DNER: variants seen among roughly 807,000 people sequenced by gnomAD.
DNER encodes the protein delta and Notch-like epidermal growth factor-related receptor.
Under a neutral mutation model 78.2 loss-of-function variants are expected in DNER, and 33 were observed. The ratio of observed to expected loss-of-function variants is 0.42; its 90% confidence interval spans 0.32 to 0.56. The LOEUF is 0.56. Ranked by LOEUF, DNER falls within the 20% of genes least tolerant of loss-of-function variation. The pLI is 0.11. For missense variants in DNER, 918 were observed against 975.3 expected (o/e 0.94, Z 0.78); for synonymous variants, 417 against 384.8 (o/e 1.08, Z -0.98).
intron 6 of DNER, among the ~76,000 whole-genome samples, chr2:229,478,030 T>C (rs1443353022): frequency 1.3e-5 from 2 of 152,100 alleles, no homozygotes; most frequent in South Asian, 4.1e-4. Context: ...GAGAGAAAAG[T>C]TTAAAAAATA....
intron 5 of DNER, among the ~76,000 whole-genome samples, chr2:229,542,375 A>G (rs1006068420): frequency 3.3e-5 from 5 of 152,322 alleles, no homozygotes; most frequent in African/African-American, 1.2e-4. Context: ...AATATCAAGA[A>G]CAGCAAGCTT....
intron 10 of DNER, among the ~76,000 whole-genome samples, chr2:229,405,003 T>C (rs1167560502): frequency 1.3e-5 from 2 of 151,926 alleles, no homozygotes; most frequent in Non-Finnish European, 2.9e-5. Context: ...AGTGGAAAAA[T>C]ATGTGTAACC....
chr2:229,375,048 A>G (rs1005103462), intron 11 of DNER, among the ~76,000 whole-genome samples: 1 of 152,184 alleles, frequency 6.6e-6, no homozygotes, highest in Non-Finnish European at 1.5e-5. Context: ...AAAAGTCAAG[A>G]TCGAATCACA....
intron 6 of DNER, among the ~76,000 whole-genome samples, chr2:229,493,988 G>A (rs555836049): frequency 2.6e-5 from 4 of 152,250 alleles, no homozygotes; most frequent in South Asian, 2.1e-4. Context: ...TGACTCTGGC[G>A]CTTCGGGTTC....
chr2:229,581,174 A>AC (rs963844079), intron 4 of DNER, among the ~76,000 whole-genome samples: 5 of 152,178 alleles, frequency 3.3e-5, no homozygotes, highest in Non-Finnish European at 5.9e-5. Context: ...CAGAAGCCAC[A>AC]CCCCAGAGAT....
chr2:229,655,581 G>C (rs1328129473), intron 1 of DNER, among the ~76,000 whole-genome samples: 1 of 152,118 alleles, frequency 6.6e-6, no homozygotes, highest in Non-Finnish European at 1.5e-5. Flanking sequence ...AAAGAACTTG[G>C]TTGAATTTGG....
chr2:229,656,510 C>A (rs1698914355), intron 1 of DNER, among the ~76,000 whole-genome samples: 1 of 152,108 alleles, frequency 6.6e-6, no homozygotes, highest in African/African-American at 2.4e-5. Context: ...CTCAGCCAAC[C>A]ACAATGTGAG....
chr2:229,494,817 T>A (rs1179885042), intron 6 of DNER, among the ~76,000 whole-genome samples: 2 of 152,174 alleles, frequency 1.3e-5, no homozygotes, highest in African/African-American at 2.4e-5. Context: ...TATATTCCAC[T>A]CCTATAGATT....
chr2:229,457,620 C>G (rs767572574), intron 7 of DNER, among the ~76,000 whole-genome samples: 1 of 151,510 alleles, frequency 6.6e-6, no homozygotes, highest in African/African-American at 2.4e-5. Context: ...CCCCCACCAC[C>G]AAAGAGGGCA....
intron 11 of DNER, among the ~76,000 whole-genome samples, chr2:229,379,979 AT>A (rs1374585029): frequency 6.6e-6 from 1 of 152,224 alleles, no homozygotes; most frequent in Non-Finnish European, 1.5e-5. Context: ...TATGAGAGCA[AT>A]TGAGAATGCT....
At chr2:229,418,972 A>G (rs1693707922) in intron 8 of DNER, among the ~76,000 whole-genome samples, 1 of 152,072 alleles carries the variant, frequency 6.6e-6, no homozygotes, top group Non-Finnish European at 1.5e-5. Flanking sequence ...TTAGAAAAGT[A>G]TATCTGTATT....
chr2:229,626,786 T>C (rs1195415269), intron 1 of DNER, among the ~76,000 whole-genome samples: 1 of 152,232 alleles, frequency 6.6e-6, no homozygotes, highest in Non-Finnish European at 1.5e-5. Flanking sequence ...ATTTAAGTTT[T>C]GAAACTGACT....
At chr2:229,531,652 T>C (rs1696303968) in intron 5 of DNER, among the ~76,000 whole-genome samples, 1 of 152,202 alleles carries the variant, frequency 6.6e-6, no homozygotes, top group South Asian at 2.1e-4. Context: ...GCAATTCTAC[T>C]CCTTAGGTAT....
intron 1 of DNER, among the ~76,000 whole-genome samples, 182 bp downstream of exon 1, chr2:229,713,966 G>A (rs943039214): frequency 2.0e-5 from 3 of 152,178 alleles, no homozygotes; most frequent in Non-Finnish European, 4.4e-5. Flanking sequence ...GGCGGGTAAG[G>A]GAATCAGGGT....
intron 1 of DNER, among the ~76,000 whole-genome samples, chr2:229,703,953 C>T (rs1424378796): frequency 6.6e-6 from 1 of 151,156 alleles, no homozygotes; most frequent in Non-Finnish European, 1.5e-5. Flanking sequence ...AAAGGAGAAG[C>T]CACAGATTGG....
intron 11 of DNER, among the ~76,000 whole-genome samples, chr2:229,384,781 C>T (rs576003012): frequency 1.3e-5 from 2 of 152,046 alleles, no homozygotes; most frequent in East Asian, 3.9e-4. Flanking sequence ...AGCCTACAAA[C>T]CAAAAAAAGC....
At chr2:229,702,483 C>G (rs766817494) in intron 1 of DNER, among the ~76,000 whole-genome samples, 4 of 151,802 alleles carry the variant, frequency 2.6e-5, no homozygotes, top group Non-Finnish European at 4.4e-5. Flanking sequence ...CTGCAGTAAG[C>G]CATGATCACA....
chr2:229,542,775 CAA>C (rs56738752), intron 5 of DNER, among the ~76,000 whole-genome samples: 2,088 of 88,364 alleles, frequency 0.024, 41 homozygotes, highest in African/African-American at 0.068. Flanking sequence ...CCCAAGTAGG[CAA>C]AAAAAAAAAA....
intron 4 of DNER, among the ~76,000 whole-genome samples, chr2:229,577,122 G>C (rs1428022789): frequency 6.6e-6 from 1 of 152,218 alleles, no homozygotes; most frequent in Non-Finnish European, 1.5e-5. Context: ...AGGAAGCTTA[G>C]TGTCTATGCA....
Sources: gnomAD v4.1 joint callset for allele counts (sites outside exome capture counted in the v4.1 genomes callset) on GRCh38, gnomAD v4.1.1 for gene constraint, MANE v1.5 for transcripts, NCBI Gene and HGNC (gene_info 2026-07-23, HGNC 2026-07-21) for gene names.